The following ADNP variants were observed in gnomAD, a reference collection of about 807,000 sequenced individuals.
ADNP encodes activity-dependent neuroprotector homeobox protein.
In ADNP, 4 loss-of-function variants were observed where a neutral mutation model predicts 84.9. The ratio of observed to expected loss-of-function variants is 0.05; its 90% CI spans 0.02 to 0.11. The LOEUF (loss-of-function observed/expected upper bound fraction) is 0.11. ADNP is among the 10% of genes least tolerant of loss of function. ADNP has a pLI of 1.00. For synonymous variants in ADNP, 554 were observed against 468.1 expected (o/e 1.18, Z -2.37); for missense variants, 1,132 against 1,326.0 (o/e 0.85, Z 2.27).
In ADNP at chr20:50,893,455, A is replaced by G; in HGVS notation, c.1259T>C (p.Val420Ala). ...PSLSQSQASR[V>A]LGQSSSKPAA... ...AGGTTTGGAACTGGACTGACCTAACACTCTGGATGCCTGTGACTGAGAGAG... is the reference window on the plus strand; with the variant it reads ...AGGTTTGGAACTGGACTGACCTAACGCTCTGGATGCCTGTGACTGAGAGAG... The change falls in exon 6 of 6, where the codon GTG becomes GCG. Residue 420 changes from valine (V) to alanine (A), a missense_variant. By Grantham distance (64) the Val-to-Ala change is moderately conservative. This residue lies in a region of ADNP where 239 missense variants were observed against 213.2 expected (regional missense o/e 1.12). Transcript: ENST00000621696. The surrounding 1 kb of genome is among the most constrained non-coding windows in gnomAD (Gnocchi z 4.4). 6.2e-7 allele frequency: 1 copy of G among 1,613,982 alleles called. No individual in the cohort carries two copies. Among genetic ancestry groups the G allele is most frequent in the Non-Finnish European group, 8.5e-7 (1 of 1,180,016 alleles).
rs11545910 is a variant in ADNP, at chr20:50,890,807, G to C, written c.*598C>G. On this transcript the variant is annotated 3_prime_UTR_variant, in exon 6 of 6. Coordinates refer to ENST00000621696, the MANE Select transcript of ADNP (RefSeq NM_001282531.3). ...AAGTCTGTCCAAAAAGTCCATACTA[G>C]CGCAGTTTTGAGCTTTTGCTAGGTA... The C allele has an allele frequency of 0.012, 7,359 of 589,126 alleles. 56 individuals are homozygous for C. Among genetic ancestry groups the C allele is most frequent in the East Asian group, 0.035 (243 of 6,978 alleles). The allele number at this position is 589,126 out of a possible 1,614,324, so 36.5% of individuals were successfully genotyped here. A position where few individuals can be genotyped will look rare whatever the true frequency, so the allele number is the denominator to read the frequency against.
At chr20:50,923,809 C>A (rs1984115087) in intron 2 of ADNP, among the ~76,000 whole-genome samples, 2 of 152,196 alleles carry the variant, frequency 1.3e-5, no homozygotes, top group Admixed American at 1.3e-4. Context: ...TAAGCCACCG[C>A]ACCCATCCTC....
chr20:50,920,501 G>A (rs1361283808), intron 2 of ADNP, among the ~76,000 whole-genome samples: 6 of 148,570 alleles, frequency 4.0e-5, no homozygotes, highest in East Asian at 2.0e-4. Context: ...AATTTCTTGC[G>A]CCCAGGAGGC....
chr20:50,919,912 T>C (rs1000908870), intron 2 of ADNP, among the ~76,000 whole-genome samples: 6 of 152,106 alleles, frequency 3.9e-5, no homozygotes, highest in African/African-American at 1.4e-4. Context: ...TCTGCTGCCA[T>C]GTCTGGTAGG....
At chr20:50,908,984 C>T (rs1316882746) in intron 2 of ADNP, among the ~76,000 whole-genome samples, 2 of 151,638 alleles carry the variant, frequency 1.3e-5, no homozygotes, top group East Asian at 1.9e-4. Context: ...AACCTTAACA[C>T]TAATGCCAAA....
At chr20:50,930,175 C>T (rs1267167262) in intron 1 of ADNP, among the ~76,000 whole-genome samples, 1 of 152,144 alleles carries the variant, frequency 6.6e-6, no homozygotes, top group Non-Finnish European at 1.5e-5. Flanking sequence ...TTTTCTACCA[C>T]CTTACTGCAA....
chr20:50,930,326 A>T (rs1984606136), intron 1 of ADNP, among the ~76,000 whole-genome samples: 3 of 151,604 alleles, frequency 2.0e-5, no homozygotes. Context: ...GCAAAGACTC[A>T]CTCCATGCCA....
chr20:50,903,668 T>TTAA (rs1982204628), intron 4 of ADNP, among the ~76,000 whole-genome samples: 1 of 152,228 alleles, frequency 6.6e-6, no homozygotes, highest in South Asian at 2.1e-4. Context: ...CCTGACATGC[T>TTAA]TAAGTCCTCA....
chr20:50,908,512 T>A (rs200004628), intron 2 of ADNP, among the ~76,000 whole-genome samples: 2 of 152,088 alleles, frequency 1.3e-5, no homozygotes, highest in Admixed American at 6.6e-5. Context: ...CGGTGGCTCA[T>A]GCCTGTAATC....
chr20:50,905,589 A>C (rs895367419), intron 2 of ADNP: 1 of 152,220 alleles, frequency 6.6e-6, no homozygotes, highest in Non-Finnish European at 1.5e-5. Flanking sequence ...ACGTTACTCT[A>C]ACTTAGAAGT....
At chr20:50,916,945 T>C (rs952096309) in intron 2 of ADNP, among the ~76,000 whole-genome samples, 10 of 152,160 alleles carry the variant, frequency 6.6e-5, no homozygotes, top group Admixed American at 5.2e-4. Flanking sequence ...ATCTTCCAAA[T>C]CACACCATCA....
chr20:50,926,571 T>C (rs1039548340), intron 2 of ADNP, among the ~76,000 whole-genome samples: 1 of 152,226 alleles, frequency 6.6e-6, no homozygotes, highest in Admixed American at 6.5e-5. Flanking sequence ...GTCCCCAAAC[T>C]ACATCTCAAA....
rs1449051037 is a variant in ADNP at position 50,893,794 on chromosome 20, A to T, written c.920T>A (p.Leu307His). Residue 307 changes from leucine (L) to histidine (H), a missense_variant, in exon 6 of 6, where the codon CTC (leucine) becomes CAC (histidine). Leu to His is a moderately conservative substitution (Grantham distance 99, BLOSUM62 -3). Coordinates refer to ENST00000621696, the MANE Select transcript of ADNP (RefSeq NM_001282531.3). The surrounding 1 kb of genome is among the most constrained non-coding windows in gnomAD (Gnocchi z 4.4). ...SLPSQQMVNRLSIPKPNLNST... is the reference protein window; with the variant it reads ...SLPSQQMVNRHSIPKPNLNST... ...ATTTAAGTTAGGCTTTGGTATTGAG[A>T]GTCGATTCACCATCTGCTGTGATGG... 5.6e-6 allele frequency: 9 copies of T among 1,614,086 alleles called. No individual in the cohort carries two copies. The highest frequency in any genetic ancestry group is 7.6e-6 in the Non-Finnish European group (9 of 1,180,054).
At chr20:50,914,871 T>G (rs898657146) in intron 2 of ADNP, among the ~76,000 whole-genome samples, 2 of 152,240 alleles carry the variant, frequency 1.3e-5, no homozygotes, top group African/African-American at 4.8e-5. Context: ...ACCATGAGAT[T>G]TTATTTTTGT....
Position 50,892,151 on chromosome 20 carries a change from T to C in ADNP, c.2563A>G (p.Arg855Gly). 1 of 1,614,212 alleles carries C rather than the reference T, an allele frequency of 6.2e-7. No homozygotes were observed. Among genetic ancestry groups the C allele is most frequent in the South Asian group, 1.1e-5 (1 of 91,082 alleles). Residue 855 changes from arginine to glycine, a missense_variant, in exon 6 of 6, where the codon AGA becomes GGA. Transcript: ENST00000621696. Reference sequence around the variant, plus strand: ...TCAGCAGTCTTACTAGCATTGACTCTGGAATCCTTCTCATCATGATTTTCA... The same window carrying C: ...TCAGCAGTCTTACTAGCATTGACTCCGGAATCCTTCTCATCATGATTTTCA... ...LFENHDEKDS[R>G]VNASKTADKK... is the part of the protein sequence containing the mutation.
chr20:50,920,262 C>CAAAAAA (rs56181933), intron 2 of ADNP, among the ~76,000 whole-genome samples: 4 of 64,546 alleles, frequency 6.2e-5, no homozygotes, highest in Admixed American at 2.1e-4. Context: ...ATTCCACCTC[C>CAAAAAA]AAAAAAAAAA....
Position 50,891,882 on chromosome 20 carries a change from T to C in ADNP, c.2832A>G (p.Glu944=). The change falls in exon 6 of 6, where the codon GAA becomes GAG. Residue 944 remains glutamate (E), a synonymous_variant. Transcript: ENST00000621696. ...SKYETIHLTE[E]PTKLMHNASD... ...ATGCATTGTGCATTAGTTTGGTTGG[T>C]TCCTCAGTCAAATGAATAGTTTCGT... 2 of 1,614,202 alleles carry C rather than the reference T, an allele frequency of 1.2e-6. No homozygotes were observed. Among genetic ancestry groups the C allele is most frequent in the Non-Finnish European group, 1.7e-6 (2 of 1,180,042 alleles).
At chr20:50,897,983 T>C (rs1326352845) in intron 5 of ADNP, among the ~76,000 whole-genome samples, 1 of 152,198 alleles carries the variant, frequency 6.6e-6, no homozygotes, top group Non-Finnish European at 1.5e-5. Flanking sequence ...GTTCTCAACA[T>C]GCCAAATCAC....
intron 2 of ADNP, among the ~76,000 whole-genome samples, chr20:50,907,916 T>C (rs1239944691): frequency 1.3e-5 from 2 of 152,184 alleles, no homozygotes; most frequent in African/African-American, 4.8e-5. Context: ...ATGTTCACAT[T>C]AACTCAGAAC....
Sources: allele counts gnomAD v4.1 joint callset (sites outside exome capture counted in the v4.1 genomes callset), GRCh38; gene constraint gnomAD v4.1.1; regional missense constraint gnomAD v4.1.1; non-coding constraint Gnocchi (gnomAD v3.1); transcripts MANE v1.5; gene names NCBI Gene and HGNC (gene_info 2026-07-23, HGNC 2026-07-21).